The following NFS1 variants were observed in gnomAD, a reference collection of about 807,000 sequenced individuals.
The protein encoded by NFS1 is cysteine desulfurase.
In NFS1, 26 loss-of-function variants were observed where a neutral mutation model predicts 57.3. The observed-to-expected ratio is 0.45, with a 90% CI of 0.33 to 0.63. NFS1 has a LOEUF of 0.63. NFS1 is among the 20% of genes least tolerant of loss of function. The pLI is 0.02. For synonymous variants in NFS1, 209 were observed against 216.3 expected (o/e 0.97, Z 0.30); for missense variants, 505 against 605.8 (o/e 0.83, Z 1.75).
chr20:35,673,566 T>C, intron 11 of NFS1, 35 bp downstream of exon 11: 1 of 1,552,820 alleles, frequency 6.4e-7, no homozygotes, highest in African/African-American at 1.4e-5. Flanking sequence ...TATAAGAGGA[T>C]GCCTTTCATA....
intron 1 of NFS1, chr20:35,698,812 T>C (rs1273478492): frequency 2.9e-6 from 4 of 1,378,964 alleles, no homozygotes; most frequent in Non-Finnish European, 2.8e-6. Flanking sequence ...TGAGTTGATA[T>C]TCAAATGGTA....
chr20:35,697,776 G>A lies in NFS1; in HGVS notation c.232C>T (p.Leu78Phe), dbSNP rs1436804083. Residue 78 changes from leucine (L) to phenylalanine (F), a missense_variant, in exon 3 of 13, where the codon CTC becomes TTC. Leu to Phe is a conservative substitution (Grantham distance 22). Transcript: ENST00000374092. ...PLDPRVLDAM[L>F]PYLINYYGNP... ...CCATAGTAGTTGATTAGGTAAGGGA[G>A]CATGGCATCAAGCACCCGGGGGTCC... The A allele has an allele frequency of 5.6e-6, 9 of 1,613,408 alleles. No homozygotes were observed. The highest frequency in any genetic ancestry group is 3.3e-5 in the Admixed American group (2 of 59,900).
rs142503733 is a variant in NFS1 at position 35,690,464 on chromosome 20, G to A, written c.510C>T (p.Gly170=). ...LDSCRSLEAE[G]FQVTYLPVQK... ...GCACTGGGAGGTAGGTGACCTGAAAGCCCTCAGCTTCCAGTGAACGGCAGG... is the reference window on the plus strand; with the variant it reads ...GCACTGGGAGGTAGGTGACCTGAAAACCCTCAGCTTCCAGTGAACGGCAGG... Residue 170 remains glycine (G), a synonymous_variant, in exon 5 of 13, where the codon GGC becomes GGT. Transcript: ENST00000374092. The A allele has an allele frequency of 6.8e-6, 11 of 1,613,850 alleles. No homozygotes were observed. Among genetic ancestry groups the A allele is most frequent in the African/African-American group, 2.7e-5 (2 of 74,870 alleles).
chr20:35,676,617 GA>G (rs2034750260), intron 7 of NFS1, among the ~76,000 whole-genome samples: 1 of 151,712 alleles, frequency 6.6e-6, no homozygotes, highest in African/African-American at 2.4e-5. Flanking sequence ...GGTGAAAAAT[GA>G]AAGATTGAAA....
At chr20:35,687,188 T>C (rs1458864595) in intron 5 of NFS1, among the ~76,000 whole-genome samples, 1 of 152,154 alleles carries the variant, frequency 6.6e-6, no homozygotes, top group East Asian at 1.9e-4. Flanking sequence ...GAGAAGACTC[T>C]ACTCCTCCAC....
intron 5 of NFS1, among the ~76,000 whole-genome samples, chr20:35,688,105 G>T (rs1356546942): frequency 2.6e-5 from 4 of 152,182 alleles, no homozygotes; most frequent in South Asian, 4.1e-4. Flanking sequence ...AATTAGCTGG[G>T]CGTGGTGGTG....
At chr20:35,683,809 AAAAG>A (rs1343735378) in intron 5 of NFS1, among the ~76,000 whole-genome samples, 4 of 149,728 alleles carry the variant, frequency 2.7e-5, no homozygotes, top group Admixed American at 1.3e-4. Context: ...AAAAAAAAAA[AAAAG>A]AAAGAAAGAA....
At position 35,675,101 on chromosome 20, in the gene NFS1, T is replaced by C. The variant is rs201710322; in HGVS notation, c.892A>G (p.Thr298Ala). The C allele has an allele frequency of 1.2e-6, 2 of 1,613,984 alleles. No individual in the cohort carries two copies. Among genetic ancestry groups the C allele is most frequent in the East Asian group, 4.5e-5 (2 of 44,886 alleles). Residue 298 changes from threonine to alanine, a missense_variant, in exon 8 of 13, where the codon ACA becomes GCA. Physicochemically the swap from Thr to Ala is moderately conservative, Grantham distance 58 (BLOSUM62 0). Coordinates refer to ENST00000374092, the MANE Select transcript of NFS1 (RefSeq NM_021100.5). ...GCCCCCAGCCCCACCACTAAGGGTG[T>C]GGGCACTGTCCCAGACCGCATACCC... ...ERGMRSGTVP[T>A]PLVVGLGAAC...
chr20:35,678,528 C>CAAAAA (rs1169564584), intron 7 of NFS1, among the ~76,000 whole-genome samples: 1 of 56,916 alleles, frequency 1.8e-5, no homozygotes, highest in East Asian at 4.8e-4. Context: ...GACTTTGTCT[C>CAAAAA]AAAAAAAAAA....
At chr20:35,693,011 A>AAG (rs1436692750) in intron 4 of NFS1, among the ~76,000 whole-genome samples, 1 of 152,032 alleles carries the variant, frequency 6.6e-6, no homozygotes, top group East Asian at 1.9e-4. Context: ...TGGGAAAAAA[A>AAG]AAAAGAATTA....
intron 4 of NFS1, among the ~76,000 whole-genome samples, chr20:35,691,072 T>C (rs539674291): frequency 5.5e-4 from 83 of 152,270 alleles, no homozygotes; most frequent in Admixed American, 2.2e-3. Context: ...AGGGCATATA[T>C]AGGAAATTTC....
Position 35,699,199 on chromosome 20 carries a change from G to A in NFS1, c.90C>T (p.Arg30=). 1 of 1,414,788 alleles carries A rather than the reference G, an allele frequency of 7.1e-7. No homozygotes were observed. 87.6% of individuals were successfully genotyped at this position (1,414,788 alleles called of 1,614,324 possible). A position where few individuals can be genotyped will look rare whatever the true frequency, so the allele number is the denominator to read the frequency against. The change falls in exon 1 of 13, where the codon CGC becomes CGT. Residue 30 remains arginine, a synonymous_variant. Transcript: ENST00000374092. This position sits in a 1 kb window ranked among gnomAD's most constrained non-coding sequence, Gnocchi z 4.4. ...AGCGGGACCCGAGCGTACCGCGCAG[G>A]CGCAGCCCCCGAGTGGGCGCCGCGG... is the stretch of plus-strand genomic sequence containing the variant. ...PKPAAPTRGL[R]LRVGDRAPQS...
chr20:35,691,767 A>AAAACCC, intron 4 of NFS1, among the ~76,000 whole-genome samples: 1 of 129,046 alleles, frequency 7.7e-6, no homozygotes, highest in Non-Finnish European at 1.6e-5. Flanking sequence ...AAAAAAAAAG[A>AAAACCC]ACGCCAGGTG....
intron 5 of NFS1, among the ~76,000 whole-genome samples, chr20:35,682,388 C>T (rs759347186): frequency 1.3e-5 from 2 of 152,192 alleles, no homozygotes; most frequent in African/African-American, 2.4e-5. Context: ...CTTCAACAGA[C>T]GATTTTCGTA....
At chr20:35,698,887 A>G (rs2035192325) in intron 1 of NFS1, 1 of 1,333,888 alleles carries the variant, frequency 7.5e-7, no homozygotes, top group African/African-American at 1.5e-5. Flanking sequence ...GAGTAGGTGC[A>G]GTCCCTTCTG....
At chr20:35,696,301 C>T (rs372672057) in intron 4 of NFS1, 76 bp downstream of exon 4, 41 of 964,512 alleles carry the variant, frequency 4.3e-5, no homozygotes, top group South Asian at 2.6e-4. Context: ...AATACATATA[C>T]GAGTCCAAAT....
At chr20:35,671,388 A>G (rs569209743) in intron 12 of NFS1, among the ~76,000 whole-genome samples, 2 of 152,062 alleles carry the variant, frequency 1.3e-5, no homozygotes, top group South Asian at 2.1e-4. Context: ...GGCGTGAGCC[A>G]CCGTGCCCAG....
At chr20:35,690,952 T>G (rs1423341180) in intron 4 of NFS1, among the ~76,000 whole-genome samples, 1 of 152,104 alleles carries the variant, frequency 6.6e-6, no homozygotes, top group Non-Finnish European at 1.5e-5. Flanking sequence ...TAATATAAGC[T>G]ATGGACTTTG....
chr20:35,670,362 G>A (rs1003162431), intron 12 of NFS1, among the ~76,000 whole-genome samples: 2 of 152,188 alleles, frequency 1.3e-5, no homozygotes, highest in African/African-American at 2.4e-5. Context: ...AGCTCTGATC[G>A]ATCCCCAAGC....
Sources: gnomAD v4.1 joint callset for allele counts (sites outside exome capture counted in the v4.1 genomes callset) on GRCh38, gnomAD v4.1.1 for gene constraint, Gnocchi (gnomAD v3.1) non-coding constraint, MANE v1.5 for transcripts, NCBI Gene and HGNC (gene_info 2026-07-23, HGNC 2026-07-21) for gene names.